CTNNA3: variants seen among roughly 807,000 people sequenced by gnomAD.
CTNNA3 encodes catenin alpha-3.
A neutral mutation model predicts 95.7 loss-of-function variants in CTNNA3; 76 were observed. That is an observed-to-expected ratio of 0.79 (90% CI 0.66 to 0.96). CTNNA3 has a LOEUF of 0.96. Among genes scored for constraint, CTNNA3 ranks in the 40% least tolerant of loss-of-function variants. The pLI, the probability that CTNNA3 is intolerant of heterozygous loss-of-function variation, is 0.00. For synonymous variants in CTNNA3, 431 were observed against 374.4 expected, an observed-to-expected ratio of 1.15 and a Z score of -1.74; for missense variants, 1,191 against 1,089.8, an observed-to-expected ratio of 1.09 and a Z score of -1.31.
chr10:66,100,158 C>T (rs1007892197), intron 14 of CTNNA3, among the ~76,000 whole-genome samples: 1 of 152,080 alleles, frequency 6.6e-6, no homozygotes. Context: ...GAAAGGAGAG[C>T]CAGTCTAAAG....
intron 5 of CTNNA3, among the ~76,000 whole-genome samples, chr10:67,431,240 G>A (rs780509419): frequency 7.2e-5 from 11 of 151,962 alleles, no homozygotes; most frequent in Non-Finnish European, 1.0e-4. Flanking sequence ...AAGGATGGTG[G>A]TTATCAGTGC....
intron 1 of CTNNA3, among the ~76,000 whole-genome samples, chr10:67,748,335 T>C (rs1841384357): frequency 6.6e-6 from 1 of 151,534 alleles, no homozygotes; most frequent in African/African-American, 2.4e-5. Flanking sequence ...AAGGAAAAAA[T>C]GTTAAGGGCA....
chr10:65,973,666 G>A (rs373287537), intron 16 of CTNNA3, among the ~76,000 whole-genome samples: 7 of 152,228 alleles, frequency 4.6e-5, no homozygotes, highest in African/African-American at 1.7e-4. Flanking sequence ...TTGGCTTTGG[G>A]GTGGGGGCTC....
intron 15 of CTNNA3, among the ~76,000 whole-genome samples, chr10:66,055,908 C>T (rs558046527): frequency 5.1e-5 from 6 of 117,670 alleles, no homozygotes; most frequent in East Asian, 2.5e-4. Context: ...GGCGACAGAG[C>T]GAGACTCCAT....
rs181273519 is a variant in CTNNA3 at position 66,348,620 on chromosome 10, G to C, written c.1732+30532C>G. Among the ~76,000 whole-genome samples, 48 of 152,192 alleles carry C rather than the reference G, an allele frequency of 3.2e-4. No homozygotes were observed. The East Asian group carries it at 9.3e-3, about 29-fold the overall frequency. On this transcript the variant is annotated intron_variant, in intron 12 of 17. Coordinates refer to ENST00000433211, the MANE Select transcript of CTNNA3 (RefSeq NM_013266.4). Reference sequence around the variant, plus strand: ...TGGTTTCAAGTTGAGAAAGAATCAAGTTTACTTTTAAATTCATATACAAAA... The same window carrying C: ...TGGTTTCAAGTTGAGAAAGAATCAACTTTACTTTTAAATTCATATACAAAA...
At chr10:66,883,462 T>C (rs771510131) in intron 7 of CTNNA3, among the ~76,000 whole-genome samples, 3 of 152,138 alleles carry the variant, frequency 2.0e-5, no homozygotes, top group Non-Finnish European at 2.9e-5. Flanking sequence ...ATGCAAAGCC[T>C]ACAGTAATAA....
intron 5 of CTNNA3, among the ~76,000 whole-genome samples, chr10:67,423,316 A>C (rs117802930): frequency 4.9e-4 from 74 of 152,268 alleles, no homozygotes; most frequent in Middle Eastern, 3.4e-3. Context: ...ACCAACCAGA[A>C]CATCTTGTCC....
At chr10:67,256,083 A>T (rs982117588) in intron 5 of CTNNA3, among the ~76,000 whole-genome samples, 1 of 152,132 alleles carries the variant, frequency 6.6e-6, no homozygotes, top group South Asian at 2.1e-4. Context: ...TAGACCCTTA[A>T]ATTATATTAT....
intron 13 of CTNNA3, among the ~76,000 whole-genome samples, chr10:66,221,164 A>G (rs988682183): frequency 2.0e-5 from 3 of 152,188 alleles, no homozygotes; most frequent in African/African-American, 7.2e-5. Flanking sequence ...TAATCTTATC[A>G]AGGATTGCAT....
chr10:67,347,090 C>G (rs1331493058), intron 5 of CTNNA3, among the ~76,000 whole-genome samples: 5 of 148,402 alleles, frequency 3.4e-5, no homozygotes, highest in Admixed American at 2.7e-4. Context: ...GAGACAGGGT[C>G]TCATTCTGTC....
intron 9 of CTNNA3, among the ~76,000 whole-genome samples, chr10:66,659,051 G>T (rs539688191): frequency 2.6e-5 from 4 of 152,084 alleles, no homozygotes; most frequent in South Asian, 4.2e-4. Context: ...TTCACTGAAT[G>T]AATATTTATT....
At chr10:67,137,354 C>T (rs921938624) in intron 7 of CTNNA3, among the ~76,000 whole-genome samples, 1 of 152,114 alleles carries the variant, frequency 6.6e-6, no homozygotes, top group Non-Finnish European at 1.5e-5. Context: ...CACAGTTCCG[C>T]AAATAGATTG....
chr10:67,152,661 G>A (rs929216968), intron 7 of CTNNA3, among the ~76,000 whole-genome samples: 1 of 152,100 alleles, frequency 6.6e-6, no homozygotes, highest in Non-Finnish European at 1.5e-5. Context: ...GTTGATATAG[G>A]ATAAGCTAAA....
chr10:67,058,280 A>G (rs1045605404), intron 7 of CTNNA3, among the ~76,000 whole-genome samples: 1 of 152,220 alleles, frequency 6.6e-6, no homozygotes, highest in Non-Finnish European at 1.5e-5. Context: ...ATTTGGTCTT[A>G]GTCTATCACA....
intron 5 of CTNNA3, among the ~76,000 whole-genome samples, chr10:67,508,199 A>G (rs1269188412): frequency 6.6e-6 from 1 of 152,110 alleles, no homozygotes; most frequent in Admixed American, 6.5e-5. Context: ...TTTATCAGAA[A>G]CAGGGTTTTG....
At position 67,485,798 on chromosome 10, in the gene CTNNA3, C is replaced by G. The variant is rs77124700; in HGVS notation, c.579+36044G>C. On this transcript the variant is annotated intron_variant, in intron 5 of 17. Transcript: ENST00000433211. The stretch of plus-strand genomic sequence containing the variant: ...AAAGCACAAGAAACCTAAAAGGCCT[C>G]AGCTTTGGTCTGATTCCACTCAGAA... 8.7e-4 allele frequency among the ~76,000 whole-genome samples: 132 copies of G among 152,314 alleles called. 2 individuals are homozygous for G. The East Asian group carries it at 0.021, about 24-fold the overall frequency.
chr10:67,223,826 G>A (rs1010147203), intron 5 of CTNNA3, among the ~76,000 whole-genome samples: 1 of 152,154 alleles, frequency 6.6e-6, no homozygotes, highest in Admixed American at 6.5e-5. Context: ...CAGGAGGGGA[G>A]ACAAATAAAC....
intron 13 of CTNNA3, among the ~76,000 whole-genome samples, chr10:66,121,172 A>C (rs1391904660): frequency 6.6e-6 from 1 of 152,236 alleles, no homozygotes; most frequent in Non-Finnish European, 1.5e-5. Flanking sequence ...GAGACTAAGT[A>C]CAACACAGAA....
intron 16 of CTNNA3, among the ~76,000 whole-genome samples, chr10:65,981,251 G>A (rs920670930): frequency 1.3e-5 from 2 of 151,530 alleles, no homozygotes; most frequent in African/African-American, 2.4e-5. Context: ...TACAAAATCT[G>A]CAAAAAGAAA....
Sources: allele counts gnomAD v4.1 joint callset (sites outside exome capture counted in the v4.1 genomes callset), GRCh38; gene constraint gnomAD v4.1.1; transcripts MANE v1.5; gene names NCBI Gene and HGNC (gene_info 2026-07-23, HGNC 2026-07-21).